The following ENOX1 variants were observed in gnomAD, a reference collection of about 807,000 sequenced individuals.
ENOX1 encodes the protein candidate growth-related and time keeping constitutive hydroquinone (NADH) oxidase.
A neutral mutation model predicts 82.5 loss-of-function variants in ENOX1; 42 were observed. That is an observed-to-expected ratio of 0.51 (90% CI 0.40 to 0.66). The LOEUF is 0.66. Ranked by LOEUF, ENOX1 falls within the 30% of genes least tolerant of loss-of-function variation. The probability of loss-of-function intolerance (pLI) is 0.00; values close to 1 mark genes in which losing one functional copy is unlikely to be tolerated. For missense variants in ENOX1, 608 were observed against 811.6 expected, an observed-to-expected ratio of 0.75 and a Z score of 3.05; for synonymous variants, 271 against 282.2, an observed-to-expected ratio of 0.96 and a Z score of 0.40.
intron 2 of ENOX1, among the ~76,000 whole-genome samples, chr13:43,533,712 C>T (rs2078329756): frequency 6.6e-6 from 1 of 152,192 alleles, no homozygotes. Flanking sequence ...ATGCCATTCT[C>T]TCATGCCTTA....
chr13:43,432,634 C>A (rs553972619), intron 3 of ENOX1, among the ~76,000 whole-genome samples: 1 of 151,996 alleles, frequency 6.6e-6, no homozygotes, highest in African/African-American at 2.4e-5. Flanking sequence ...CAGAGTGAGA[C>A]TCTGTCTCAA....
chr13:43,507,215 A>C (rs1172429769), intron 2 of ENOX1, among the ~76,000 whole-genome samples: 1 of 151,932 alleles, frequency 6.6e-6, no homozygotes, highest in Non-Finnish European at 1.5e-5. Context: ...CAACCAGAAG[A>C]CCCAACTACT....
At position 43,470,305 on chromosome 13, in the gene ENOX1, T is replaced by C. The variant is rs866687846; in HGVS notation, c.-75+13704A>G. ...ATACATATATATATACACATATATATACATATATATACACATATATATATG... is the reference window on the plus strand; with the variant it reads ...ATACATATATATATACACATATATACACATATATATACACATATATATATG... On this transcript the variant is annotated intron_variant, in intron 3 of 16. Coordinates refer to ENST00000690772, the MANE Select transcript of ENOX1 (RefSeq NM_001347969.2). 3.9e-3 allele frequency among the ~76,000 whole-genome samples: 178 copies of C among 46,160 alleles called. 22 individuals are homozygous for C. In the East Asian group the frequency reaches 0.048, roughly 12 times the overall value. The allele number at this position is 46,160 out of a possible 152,430, so 30.3% of individuals were successfully genotyped here. A position where few individuals can be genotyped will look rare whatever the true frequency, so the allele number is the denominator to read the frequency against.
intron 2 of ENOX1, among the ~76,000 whole-genome samples, chr13:43,616,152 AGATAGATATCTATCTATCTATCTATC>A (rs2082433740): frequency 3.9e-5 from 2 of 50,846 alleles, no homozygotes; most frequent in Admixed American, 4.2e-4. Flanking sequence ...ATATCTATAT[AGATAGATATCTATCTATCTATCTATC>A]TATCTATCTA....
At chr13:43,411,070 T>C (rs968099252) in intron 5 of ENOX1, among the ~76,000 whole-genome samples, 13 of 152,194 alleles carry the variant, frequency 8.5e-5, no homozygotes, top group Non-Finnish European at 1.5e-4. Flanking sequence ...ACCTTCCTGA[T>C]AACATCTTTC....
chr13:43,284,259 C>CGTTAGGAAAGAAATATAAACACCAGA (rs2045564002), intron 12 of ENOX1, among the ~76,000 whole-genome samples: 1 of 151,308 alleles, frequency 6.6e-6, no homozygotes, highest in Non-Finnish European at 1.5e-5. Flanking sequence ...AAATACAAAC[C>CGTTAGGAAAGAAATATAAACACCAGA]GTTAGGAAAG....
intron 16 of ENOX1, among the ~76,000 whole-genome samples, chr13:43,221,387 G>A (rs1413435295): frequency 1.3e-5 from 2 of 152,144 alleles, no homozygotes; most frequent in South Asian, 2.1e-4. Context: ...TGGGCCCTGG[G>A]GCTGACATGG....
chr13:43,709,733 A>G (rs1465194326), intron 1 of ENOX1, among the ~76,000 whole-genome samples: 1 of 152,176 alleles, frequency 6.6e-6, no homozygotes, highest in African/African-American at 2.4e-5. Context: ...ATTAAAAAAC[A>G]GAAATAACTA....
chr13:43,279,085 G>A (rs2045229489), intron 12 of ENOX1, among the ~76,000 whole-genome samples: 1 of 152,140 alleles, frequency 6.6e-6, no homozygotes, highest in Non-Finnish European at 1.5e-5. Context: ...GCTAGGGGCT[G>A]GGGAGAACTG....
Position 43,633,802 on chromosome 13 carries a change from G to A in ENOX1, c.-219+33677C>T, listed in dbSNP as rs563263677. On this transcript the variant is annotated intron_variant, in intron 2 of 16. Coordinates refer to ENST00000690772, the MANE Select transcript of ENOX1 (RefSeq NM_001347969.2). ...TAGTAGTATTTACTTTTGGGGAGGT[G>A]AGGTTAGAGAGTAAAAAGAGCTTAT... Among the ~76,000 whole-genome samples, 131 of 151,934 alleles carry A rather than the reference G, an allele frequency of 8.6e-4. 1 individual carries two copies. Among genetic ancestry groups the A allele is most frequent in the African/African-American group, 3.1e-3 (128 of 41,476 alleles).
At chr13:43,727,364 G>A (rs1373229600) in intron 1 of ENOX1, among the ~76,000 whole-genome samples, 1 of 152,176 alleles carries the variant, frequency 6.6e-6, no homozygotes, top group African/African-American at 2.4e-5. Context: ...AAGTTGTACT[G>A]TTCATCACTC....
intron 2 of ENOX1, among the ~76,000 whole-genome samples, chr13:43,487,038 G>C (rs1004605813): frequency 6.6e-6 from 1 of 152,124 alleles, no homozygotes; most frequent in Admixed American, 6.5e-5. Context: ...AGGTATGGTG[G>C]TGCATGCCTG....
In ENOX1 at chr13:43,470,365, C is replaced by CGTATATATGTATATATAT. The variant is rs1566307681; in HGVS notation, c.-75+13643_-75+13644insATATATATACATATATAC. Among the ~76,000 whole-genome samples the CGTATATATGTATATATAT allele has an allele frequency of 7.6e-3, 209 of 27,342 alleles. 13 individuals are homozygous for CGTATATATGTATATATAT. The highest frequency in any genetic ancestry group is 0.029 in the African/African-American group (174 of 5,924). 17.9% of individuals were successfully genotyped at this position (27,342 alleles called of 152,430 possible). Reference sequence around the variant, plus strand: ...ACGTATATATATATGTATATATATACGTATATATATACATATATATACGTA... The same window carrying CGTATATATGTATATATAT: ...ACGTATATATATATGTATATATATACGTATATATGTATATATATGTATATATATACATATATATACGTA... On this transcript the variant is annotated intron_variant, in intron 3 of 16. Coordinates refer to ENST00000690772, the MANE Select transcript of ENOX1 (RefSeq NM_001347969.2).
intron 2 of ENOX1, among the ~76,000 whole-genome samples, chr13:43,661,363 AG>A (rs2084717069): frequency 6.6e-6 from 1 of 152,174 alleles, no homozygotes; most frequent in Non-Finnish European, 1.5e-5. Flanking sequence ...TCTTCCCCAT[AG>A]GGTCTGGGTA....
intron 1 of ENOX1, among the ~76,000 whole-genome samples, chr13:43,745,878 TGAA>T (rs1157500088): frequency 6.6e-6 from 1 of 152,170 alleles, no homozygotes; most frequent in African/African-American, 2.4e-5. Context: ...TGCTGCCATG[TGAA>T]GAAGGACATG....
chr13:43,715,798 G>T (rs2088080938), intron 1 of ENOX1, among the ~76,000 whole-genome samples: 2 of 151,904 alleles, frequency 1.3e-5, no homozygotes, highest in South Asian at 4.1e-4. Context: ...TAGTTCTCGA[G>T]CCTTGGCTTT....
intron 2 of ENOX1, among the ~76,000 whole-genome samples, chr13:43,487,733 A>T (rs2076479152): frequency 6.6e-6 from 1 of 152,190 alleles, no homozygotes; most frequent in Non-Finnish European, 1.5e-5. Flanking sequence ...CATGTCTGTC[A>T]CTGTGGACAG....
intron 16 of ENOX1, among the ~76,000 whole-genome samples, chr13:43,221,607 T>C (rs559901149): frequency 6.6e-6 from 1 of 152,276 alleles, no homozygotes; most frequent in Admixed American, 6.5e-5. Flanking sequence ...GTGGGTAATT[T>C]AGAAAAGGCC....
chr13:43,614,566 GCTTA>G (rs2082328893), intron 2 of ENOX1, among the ~76,000 whole-genome samples: 2 of 91,994 alleles, frequency 2.2e-5, no homozygotes, highest in Non-Finnish European at 4.3e-5. Flanking sequence ...TTTAGCACTT[GCTTA>G]CTTGTGTTCT....
Sources: gnomAD v4.1 joint callset for allele counts (sites outside exome capture counted in the v4.1 genomes callset) on GRCh38, gnomAD v4.1.1 for gene constraint, MANE v1.5 for transcripts, NCBI Gene and HGNC (gene_info 2026-07-23, HGNC 2026-07-21) for gene names.